The following NRAP variants were observed in gnomAD, a reference collection of about 807,000 sequenced individuals.
NRAP encodes nebulin-related-anchoring protein.
NRAP carries 189 observed loss-of-function variants against 225.9 expected under a neutral mutation model. The ratio of observed to expected loss-of-function variants is 0.84; its 90% CI spans 0.74 to 0.94. The LOEUF (loss-of-function observed/expected upper bound fraction) is 0.94, where lower values mean the gene tolerates loss of function less well. Among genes scored for constraint, NRAP ranks in the 40% least tolerant of loss-of-function variants. NRAP has a pLI of 0.00. For missense variants in NRAP, 2,176 were observed against 2,168.7 expected, an observed-to-expected ratio of 1.00 and a Z score of -0.07; for synonymous variants, 769 against 790.7, an observed-to-expected ratio of 0.97 and a Z score of 0.46.
Position 113,614,222 on chromosome 10 carries a change from G to A in NRAP, c.3261C>T (p.Ser1087=), listed in dbSNP as rs1399314100. The change falls in exon 29 of 42, where the codon AGC becomes AGT. Residue 1087 remains serine (S), a synonymous_variant. Coordinates refer to ENST00000359988, the MANE Select transcript of NRAP (RefSeq NM_198060.4). ...LGSRSLEDDI[S]LAHSVYATSL... is the part of the protein sequence containing the mutation. ...AGGTCGCATACACTGAATGTGCAAGGCTGATATCATCTTCCAAGCTCCGGG... is the reference window on the plus strand; with the variant it reads ...AGGTCGCATACACTGAATGTGCAAGACTGATATCATCTTCCAAGCTCCGGG... The A allele has an allele frequency of 2.5e-6, 4 of 1,613,954 alleles. No individual in the cohort carries two copies. Among genetic ancestry groups the A allele is most frequent in the Non-Finnish European group, 3.4e-6 (4 of 1,179,846 alleles).
chr10:113,657,387 T>C (rs1850372792), intron 4 of NRAP, 83 bp downstream of exon 4: 2 of 769,734 alleles, frequency 2.6e-6, no homozygotes, highest in South Asian at 3.2e-5. Flanking sequence ...TGGTTTTCTC[T>C]AGAAGTAATA....
At chr10:113,590,967 G>T in intron 39 of NRAP, 78 bp from the exon 40 acceptor site, 1 of 1,306,278 alleles carries the variant, frequency 7.7e-7, no homozygotes, top group Non-Finnish European at 1.1e-6. Context: ...GGCCATCCCA[G>T]GGCATTCTCA....
chr10:113,604,924 CAAGA>C lies in NRAP; in HGVS notation c.3916-8_3916-5del. ...CAAAGTCATGTCTGTAGAGAAACTG[CAAGA>C]AAGGGCTGGCCGGTCAAATTCTATC... On this transcript the variant is annotated splice_polypyrimidine_tract_variant and splice_region_variant and intron_variant, in intron 34 of 41. Coordinates refer to ENST00000359988, the MANE Select transcript of NRAP (RefSeq NM_198060.4). The C allele has an allele frequency of 6.2e-7, 1 of 1,607,230 alleles. No individual in the cohort carries two copies. The highest frequency in any genetic ancestry group is 8.5e-7 in the Non-Finnish European group (1 of 1,174,984).
chr10:113,662,831 C>A, intron 2 of NRAP, 65 bp from the exon 3 acceptor site: 2 of 695,224 alleles, frequency 2.9e-6, no homozygotes, highest in African/African-American at 1.9e-5. Flanking sequence ...AGGGACTATT[C>A]TTAAAATTAT....
intron 32 of NRAP, 41 bp downstream of exon 32, chr10:113,608,373 G>C (rs1379566340): frequency 1.6e-6 from 2 of 1,274,666 alleles, no homozygotes; most frequent in Admixed American, 3.5e-5. Flanking sequence ...CAATCGAGCA[G>C]TTTTTAAAAA....
In NRAP at chr10:113,642,934, A is replaced by G. The variant is rs769576709; in HGVS notation, c.1215T>C (p.Asp405=). The G allele has an allele frequency of 6.4e-7, 1 of 1,551,474 alleles. No individual in the cohort carries two copies. The highest frequency in any genetic ancestry group is 2.2e-5 in the East Asian group (1 of 44,616). ...NVSKISKFTS[D]NKYKENYQNH... ...CAAAAGCTTAGCGTTAACAACTCACATCACTGGTAAATTTTGAGATCTTGC... is the reference window on the plus strand; with the variant it reads ...CAAAAGCTTAGCGTTAACAACTCACGTCACTGGTAAATTTTGAGATCTTGC... Residue 405 remains aspartate, a splice_region_variant and synonymous_variant, in exon 12 of 42, where the codon GAT becomes GAC. Coordinates refer to ENST00000359988, the MANE Select transcript of NRAP (RefSeq NM_198060.4).
Position 113,663,392 on chromosome 10 carries a change from T to A in NRAP, c.127A>T (p.Asn43Tyr). 6.2e-7 allele frequency: 1 copy of A among 1,613,402 alleles called. No individual in the cohort carries two copies. The highest frequency in any genetic ancestry group is 8.5e-7 in the Non-Finnish European group (1 of 1,179,344). Reference sequence around the variant, plus strand: ...TTTTTCTGGTGACTCACAAAGTTATTAACAGACAGCATCATCTTGCAAACT... The same window carrying A: ...TTTTTCTGGTGACTCACAAAGTTATAAACAGACAGCATCATCTTGCAAACT... The part of the protein sequence containing the change: ...CEVCKMMLSV[N>Y]NFVSHQKKPY... Residue 43 changes from asparagine (N) to tyrosine (Y), a missense_variant, in exon 2 of 42, where the codon AAT becomes TAT. By Grantham distance (143) the Asn-to-Tyr change is moderately radical (BLOSUM62 -2). Transcript: ENST00000359988.
chr10:113,614,174 C>G lies in NRAP; in HGVS notation c.3300+9G>C, dbSNP rs1250105162. On this transcript the variant is annotated intron_variant, in intron 29 of 41. Transcript: ENST00000359988. ...CCCTGCAGCCGCTGATGCCTCTCCC[C>G]CCACTTACATCACTCTGCAGTGAGG... The G allele has an allele frequency of 6.3e-7, 1 of 1,584,886 alleles. No homozygotes were observed. Among genetic ancestry groups the G allele is most frequent in the African/African-American group, 1.3e-5 (1 of 74,326 alleles).
intron 31 of NRAP, among the ~76,000 whole-genome samples, chr10:113,609,926 T>C (rs2133921016): frequency 6.6e-6 from 1 of 150,526 alleles, no homozygotes; most frequent in African/African-American, 2.4e-5. Context: ...TCCTCAAAGC[T>C]GTCTTAAATG....
chr10:113,618,359 T>A (rs1176232476), intron 25 of NRAP, among the ~76,000 whole-genome samples: 1 of 152,234 alleles, frequency 6.6e-6, no homozygotes, highest in Admixed American at 6.5e-5. Flanking sequence ...TCTGGTTGGA[T>A]TTTTGTACAC....
intron 37 of NRAP, among the ~76,000 whole-genome samples, chr10:113,595,994 T>TAAGG (rs1846269618): frequency 6.6e-6 from 1 of 152,188 alleles, no homozygotes; most frequent in East Asian, 1.9e-4. Flanking sequence ...CAAACCAACA[T>TAAGG]CATGGTTGGC....
chr10:113,645,401 G>A (rs1326823405), intron 11 of NRAP, among the ~76,000 whole-genome samples: 1 of 133,036 alleles, frequency 7.5e-6, no homozygotes, highest in Non-Finnish European at 1.7e-5. Flanking sequence ...AGAATAGGTG[G>A]TGTCACCTTT....
chr10:113,653,138 C>G (rs1029958953), intron 5 of NRAP, 99 bp from the exon 6 acceptor site: 1 of 666,802 alleles, frequency 1.5e-6, no homozygotes, highest in Non-Finnish European at 2.6e-6. Context: ...TCATAAAGTT[C>G]TTCGGAAATA....
At chr10:113,631,758 G>T in intron 17 of NRAP, 99 bp downstream of exon 17, 2 of 907,656 alleles carry the variant, frequency 2.2e-6, no homozygotes, top group Non-Finnish European at 3.6e-6. Context: ...GTATTGCGAT[G>T]TTTACAATGT....
rs1592709623 is a variant in NRAP at position 113,589,414 on chromosome 10, T to C, written c.5088+252A>G. ...GGGCTGCCCTGGCCCGGGATTGATGTAGCCCCGGTAGGTTTGCCTCTGCAG... is the reference window on the plus strand; with the variant it reads ...GGGCTGCCCTGGCCCGGGATTGATGCAGCCCCGGTAGGTTTGCCTCTGCAG... On this transcript the variant is annotated intron_variant, in intron 41 of 41. Transcript: ENST00000359988. 6 of 583,654 alleles carry C rather than the reference T, an allele frequency of 1.0e-5. No homozygotes were observed. The Middle Eastern group carries it at 1.4e-3, about 133-fold the overall frequency. 36.2% of individuals were successfully genotyped at this position (583,654 alleles called of 1,614,324 possible). A position where few individuals can be genotyped will look rare whatever the true frequency, so the allele number is the denominator to read the frequency against.
Position 113,650,497 on chromosome 10 carries a change from G to A in NRAP, c.724C>T (p.Pro242Ser), listed in dbSNP as rs776357401. 13 of 1,613,750 alleles carry A rather than the reference G, an allele frequency of 8.1e-6. No individual in the cohort carries two copies. In the East Asian group the frequency reaches 2.7e-4, roughly 33 times the overall value. The change falls in exon 8 of 42, where the codon CCT (proline) becomes TCT (serine). Residue 242 changes from proline to serine, a missense_variant. This residue lies in a region of NRAP where 1,708 missense variants were observed against 1,695.5 expected (regional missense o/e 1.01). Coordinates refer to ENST00000359988, the MANE Select transcript of NRAP (RefSeq NM_198060.4). ...TGATAGGCGGGTGTGATCATCGCAGGGAAACTGCCTTTCCCTCTTTGTTGT... is the reference window on the plus strand; with the variant it reads ...TGATAGGCGGGTGTGATCATCGCAGAGAAACTGCCTTTCCCTCTTTGTTGT... ...YEQQRGKGSF[P>S]AMITPAYQIA...
chr10:113,612,121 G>A, intron 30 of NRAP, 113 bp downstream of exon 30: 1 of 800,328 alleles, frequency 1.2e-6, no homozygotes, highest in Non-Finnish European at 2.1e-6. Flanking sequence ...TAAGACTTGG[G>A]TTTAGGATTT....
intron 32 of NRAP, 27 bp downstream of exon 32, chr10:113,608,387 C>A: frequency 7.0e-7 from 1 of 1,430,872 alleles, no homozygotes; most frequent in Non-Finnish European, 9.8e-7. Context: ...TTAAAAAGAC[C>A]ATTCCAAAGC....
chr10:113,629,579 T>A lies in NRAP; in HGVS notation c.2040+9A>T, dbSNP rs1247456785. The A allele has an allele frequency of 4.4e-6, 7 of 1,588,374 alleles. No homozygotes were observed. The highest frequency in any genetic ancestry group is 6.1e-6 in the Non-Finnish European group (7 of 1,156,800). On this transcript the variant is annotated intron_variant, in intron 19 of 41. Coordinates refer to ENST00000359988, the MANE Select transcript of NRAP (RefSeq NM_198060.4). ...ATGCATGAAGAGAACTGATAATGTGTGGGCTCACCTCGCTCTGGAGCCCAT... is the reference window on the plus strand; with the variant it reads ...ATGCATGAAGAGAACTGATAATGTGAGGGCTCACCTCGCTCTGGAGCCCAT...
Sources: gnomAD v4.1 joint callset for allele counts (sites outside exome capture counted in the v4.1 genomes callset) on GRCh38, gnomAD v4.1.1 for gene constraint, gnomAD v4.1.1 regional missense constraint, MANE v1.5 for transcripts, NCBI Gene and HGNC (gene_info 2026-07-23, HGNC 2026-07-21) for gene names.